Variants in KATNA1 observed in about 807,000 individuals in gnomAD.
KATNA1 encodes the protein katanin p60 ATPase-containing subunit A1.
Under a neutral mutation model 62.6 loss-of-function variants are expected in KATNA1, and 42 were observed. The observed-to-expected ratio is 0.67, with a 90% CI of 0.52 to 0.87. The LOEUF (loss-of-function observed/expected upper bound fraction) is 0.87. KATNA1 is among the 40% of genes least tolerant of loss of function. KATNA1 has a pLI of 0.00. For missense variants in KATNA1, 498 were observed against 612.5 expected, an observed-to-expected ratio of 0.81 and a Z score of 1.97; for synonymous variants, 186 against 201.9, an observed-to-expected ratio of 0.92 and a Z score of 0.67.
rs138144838 is a variant in KATNA1 at position 149,632,318 on chromosome 6, C to T, written c.320+441G>A. Among the ~76,000 whole-genome samples the T allele has an allele frequency of 5.8e-3, 866 of 148,852 alleles. 9 individuals are homozygous for T. Among genetic ancestry groups the T allele is most frequent in the Middle Eastern group, 0.028 (8 of 288 alleles). On this transcript the variant is annotated intron_variant, in intron 3 of 10. Coordinates refer to ENST00000367411, the MANE Select transcript of KATNA1 (RefSeq NM_007044.4). ...TGAACCCGGGAGGCAGAGATTGCAGCGAGCCGAGATCGTGCCACTGCACTC... is the reference window on the plus strand; with the variant it reads ...TGAACCCGGGAGGCAGAGATTGCAGTGAGCCGAGATCGTGCCACTGCACTC...
chr6:149,647,433 G>T (rs895819821), intron 1 of KATNA1, among the ~76,000 whole-genome samples: 1 of 147,230 alleles, frequency 6.8e-6, no homozygotes, highest in Non-Finnish European at 1.5e-5. Flanking sequence ...TGAGGCAGGG[G>T]AATCGCTTGA....
intron 10 of KATNA1, among the ~76,000 whole-genome samples, chr6:149,595,878 C>CTT (rs1778289667): frequency 1.3e-5 from 2 of 152,172 alleles, no homozygotes; most frequent in Non-Finnish European, 2.9e-5. Flanking sequence ...TCTACTAATA[C>CTT]TTAGATTAGG....
chr6:149,620,198 G>A (rs184002593), intron 4 of KATNA1, among the ~76,000 whole-genome samples: 1 of 152,270 alleles, frequency 6.6e-6, no homozygotes, highest in Non-Finnish European at 1.5e-5. Context: ...GGTAGGGGAA[G>A]GTGGGTGTAT....
At chr6:149,620,524 C>G (rs2115117363) in intron 4 of KATNA1, among the ~76,000 whole-genome samples, 1 of 152,248 alleles carries the variant, frequency 6.6e-6, no homozygotes, top group African/African-American at 2.4e-5. Flanking sequence ...GAACTCCTGA[C>G]CTCAAGTGAT....
chr6:149,625,619 G>A (rs1385585266), intron 3 of KATNA1, among the ~76,000 whole-genome samples: 2 of 151,482 alleles, frequency 1.3e-5, no homozygotes, highest in South Asian at 2.1e-4. Flanking sequence ...AACAGACCAC[G>A]ACTGTCTCAA....
chr6:149,625,583 T>C (rs905677146), intron 3 of KATNA1, among the ~76,000 whole-genome samples: 8 of 151,492 alleles, frequency 5.3e-5, no homozygotes, highest in African/African-American at 1.7e-4. Context: ...TCAGCCGAGA[T>C]TGCACCACTG....
Position 149,604,728 on chromosome 6 carries a change from C to A in KATNA1, c.556G>T (p.Gly186Ter). 1 of 1,611,924 alleles carries A rather than the reference C, an allele frequency of 6.2e-7. No individual in the cohort carries two copies. Among genetic ancestry groups the A allele is most frequent in the South Asian group, 1.1e-5 (1 of 91,030 alleles). Residue 186 changes from glycine (G) to a stop codon, truncating the protein, a stop_gained, in exon 5 of 11, where the codon GGA becomes TGA. Coordinates refer to ENST00000367411, the MANE Select transcript of KATNA1 (RefSeq NM_007044.4). LOFTEE classifies it high-confidence loss of function. Reference sequence around the variant, plus strand: ...GCTTCTACTAAGTCTTTATCATATCCGGTACTATCAAATTTATTTGTCTCT... The same window carrying A: ...GCTTCTACTAAGTCTTTATCATATCAGGTACTATCAAATTTATTTGTCTCT... ...EPETNKFDST[G>*]YDKDLVEALE...
chr6:149,641,523 A>C (rs1372436505), intron 1 of KATNA1, among the ~76,000 whole-genome samples: 1 of 152,010 alleles, frequency 6.6e-6, no homozygotes, highest in Admixed American at 6.6e-5. Context: ...AAATAATTCC[A>C]ACCACATAAA....
intron 5 of KATNA1, among the ~76,000 whole-genome samples, chr6:149,603,650 A>T (rs2064520): frequency 0.45 from 69,114 of 151,992 alleles, 17,067 homozygotes; most frequent in East Asian, 0.81. Context: ...TTATGTGTCA[A>T]CTCATTTTAA....
intron 3 of KATNA1, among the ~76,000 whole-genome samples, chr6:149,624,879 GAAA>G (rs1176451824): frequency 6.6e-6 from 1 of 150,636 alleles, no homozygotes. Context: ...TAGATGGTGT[GAAA>G]CAGACCTAGC....
At chr6:149,619,690 T>G (rs1338134104) in intron 4 of KATNA1, among the ~76,000 whole-genome samples, 1 of 151,942 alleles carries the variant, frequency 6.6e-6, no homozygotes. Context: ...TTCTTGGAAA[T>G]GTAAGATGAT....
At chr6:149,639,531 G>A (rs1328418536) in intron 1 of KATNA1, among the ~76,000 whole-genome samples, 4 of 151,734 alleles carry the variant, frequency 2.6e-5, no homozygotes, top group East Asian at 1.9e-4. Flanking sequence ...CCAGGGAGTC[G>A]GAGGCTGCAG....
chr6:149,601,813 G>T, intron 6 of KATNA1, 61 bp from the exon 7 acceptor site: 2 of 1,340,540 alleles, frequency 1.5e-6, no homozygotes, highest in Non-Finnish European at 9.8e-7. Flanking sequence ...ATTCATAAAA[G>T]TGTCATTACT....
At chr6:149,601,953 T>C (rs1778562125) in intron 6 of KATNA1, among the ~76,000 whole-genome samples, 1 of 152,106 alleles carries the variant, frequency 6.6e-6, no homozygotes. Flanking sequence ...TATGAAAAAT[T>C]TGGAACTCAA....
chr6:149,638,436 T>G lies in KATNA1; in HGVS notation c.112A>C (p.Lys38Gln), dbSNP rs774094453. 8.7e-6 allele frequency: 14 copies of G among 1,614,144 alleles called. No homozygotes were observed. The highest frequency in any genetic ancestry group is 1.2e-5 in the Non-Finnish European group (14 of 1,179,996). ...GTATCTTTGACTGAGTACAGATACT[T>G]GTTCATTTGGTCAAGAACTCCCTGA... is the stretch of plus-strand genomic sequence containing the variant. The part of the protein sequence containing the change: ...YYQGVLDQMN[K>Q]YLYSVKDTYL... Residue 38 changes from lysine (K) to glutamine (Q), a missense_variant, in exon 2 of 11, where the codon AAG (lysine) becomes CAG (glutamine). Lys to Gln is a moderately conservative substitution (Grantham distance 53). Coordinates refer to ENST00000367411, the MANE Select transcript of KATNA1 (RefSeq NM_007044.4).
chr6:149,634,714 C>T (rs1780000775), intron 2 of KATNA1, among the ~76,000 whole-genome samples: 1 of 152,068 alleles, frequency 6.6e-6, no homozygotes, highest in Non-Finnish European at 1.5e-5. Flanking sequence ...TTTTAAAATG[C>T]TGATTAATCC....
chr6:149,639,160 G>A (rs552382898), intron 1 of KATNA1, among the ~76,000 whole-genome samples: 20 of 152,076 alleles, frequency 1.3e-4, no homozygotes, highest in Admixed American at 3.9e-4. Context: ...CTAGCTGGGC[G>A]TGGTGGCACA....
chr6:149,626,292 C>CTTTTTTTTTTTT (rs544379629), intron 3 of KATNA1, among the ~76,000 whole-genome samples: 1,005 of 88,620 alleles, frequency 0.011, 129 homozygotes, highest in East Asian at 0.046. Flanking sequence ...ATAACATTTA[C>CTTTTTTTTTTTT]TTTTTTTTTT....
chr6:149,614,282 C>T (rs1779077982), intron 4 of KATNA1, among the ~76,000 whole-genome samples: 2 of 152,326 alleles, frequency 1.3e-5, no homozygotes, highest in East Asian at 3.9e-4. Flanking sequence ...CTTGCAGTCA[C>T]AGGGGCAGCT....
Sources: allele counts gnomAD v4.1 joint callset (sites outside exome capture counted in the v4.1 genomes callset), GRCh38; gene constraint gnomAD v4.1.1; transcripts MANE v1.5; gene names NCBI Gene and HGNC (gene_info 2026-07-23, HGNC 2026-07-21).